SPAM1: variants seen among roughly 807,000 people sequenced by gnomAD.
SPAM1 encodes sperm adhesion molecule 1, also known as hyaluronidase PH-20.
In SPAM1, 22 loss-of-function variants were observed where a neutral mutation model predicts 29.6. The ratio of observed to expected loss-of-function variants is 0.74; its 90% confidence interval spans 0.53 to 1.06. The LOEUF (loss-of-function observed/expected upper bound fraction) is 1.06. Ranked by LOEUF, SPAM1 falls within the 50% of genes least tolerant of loss-of-function variation. The pLI is 0.00. For missense variants in SPAM1, 534 were observed against 604.0 expected (o/e 0.88, Z 1.21); for synonymous variants, 194 against 204.6 (o/e 0.95, Z 0.44).
chr7:123,936,328 G>A (rs888180457), intron 1 of SPAM1, among the ~76,000 whole-genome samples: 2 of 152,180 alleles, frequency 1.3e-5, no homozygotes, highest in African/African-American at 4.8e-5. Context: ...GTTATTGATT[G>A]GTTGGGGTAA....
At chr7:123,957,456 A>G (rs1792272775) in intron 4 of SPAM1, among the ~76,000 whole-genome samples, 1 of 152,050 alleles carries the variant, frequency 6.6e-6, no homozygotes, top group Non-Finnish European at 1.5e-5. Flanking sequence ...AGCAAGGGTT[A>G]TACAATGTCA....
Position 123,928,005 on chromosome 7 carries a change from G to A in SPAM1, c.-319+2653G>A, listed in dbSNP as rs80006878. Among the ~76,000 whole-genome samples the A allele has an allele frequency of 1.1e-3, 173 of 152,160 alleles. 2 individuals are homozygous for A. The highest frequency in any genetic ancestry group is 3.8e-3 in the African/African-American group (159 of 41,524). On this transcript the variant is annotated intron_variant, in intron 1 of 4. Coordinates refer to ENST00000682466, the MANE Select transcript of SPAM1 (RefSeq NM_153189.3). ...GGATTAGGAATTATGGGGTGACGGC[G>A]CATTGTAAGAGTTCATGGCTCTTAG...
chr7:123,966,198 C>T (rs1426128510), intron 5 of SPAM1, among the ~76,000 whole-genome samples: 10 of 151,642 alleles, frequency 6.6e-5, no homozygotes, highest in African/African-American at 1.5e-4. Context: ...ATTAGAGAAA[C>T]GAAAATCAAA....
chr7:123,947,422 C>T (rs147880997), intron 1 of SPAM1, among the ~76,000 whole-genome samples: 27 of 152,080 alleles, frequency 1.8e-4, no homozygotes, highest in African/African-American at 4.3e-4. Context: ...TGGTGGTGTG[C>T]GCCTGTAGTC....
intron 1 of SPAM1, among the ~76,000 whole-genome samples, chr7:123,938,913 C>A (rs1163658631): frequency 2.0e-5 from 3 of 152,084 alleles, no homozygotes; most frequent in African/African-American, 7.2e-5. Context: ...CCACTGTAAT[C>A]GCAGAACCGG....
chr7:123,933,851 C>A (rs1307460225), intron 1 of SPAM1, among the ~76,000 whole-genome samples: 1 of 152,218 alleles, frequency 6.6e-6, no homozygotes, highest in Non-Finnish European at 1.5e-5. Flanking sequence ...ATGTTTTGGT[C>A]AATGATAGAC....
chr7:123,937,034 T>C (rs1236344690), intron 1 of SPAM1, among the ~76,000 whole-genome samples: 1 of 152,242 alleles, frequency 6.6e-6, no homozygotes, highest in African/African-American at 2.4e-5. Context: ...AGCATCTCTG[T>C]ATTGTCTAAA....
rs186996203 is a variant in SPAM1 at position 123,956,791 on chromosome 7, T to C, written c.1044+1705T>C. Among the ~76,000 whole-genome samples, 9 of 152,162 alleles carry C rather than the reference T, an allele frequency of 5.9e-5. No individual in the cohort carries two copies. In the East Asian group the frequency reaches 1.7e-3, roughly 30 times the overall value. On this transcript the variant is annotated intron_variant, in intron 4 of 4. Transcript: ENST00000682466. ...TGTAATAATGTGCTACTTCACACCA[T>C]GGTACCATAATGTGTAATGGTGGTG...
chr7:123,952,831 T>C (rs1474127924), intron 2 of SPAM1, among the ~76,000 whole-genome samples: 2 of 151,418 alleles, frequency 1.3e-5, no homozygotes, highest in African/African-American at 4.9e-5. Flanking sequence ...TTTGGTTGAT[T>C]CAATAAATTC....
chr7:123,961,201 T>G (rs545625986), downstream of SPAM1, among the ~76,000 whole-genome samples: 6 of 152,036 alleles, frequency 3.9e-5, no homozygotes, highest in East Asian at 9.8e-4. Flanking sequence ...TCTAGCTTTT[T>G]GAACATATGC....
intron 4 of SPAM1, among the ~76,000 whole-genome samples, chr7:123,957,862 A>C (rs1204143166): frequency 1.3e-5 from 2 of 151,974 alleles, no homozygotes; most frequent in Non-Finnish European, 2.9e-5. Flanking sequence ...TTCTTTCTTA[A>C]AGTCAGCCAA....
chr7:123,959,286 T>G (rs535840105), intron 4 of SPAM1, among the ~76,000 whole-genome samples, 198 bp from the exon 5 acceptor site: 9 of 152,062 alleles, frequency 5.9e-5, no homozygotes, highest in Non-Finnish European at 1.2e-4. Flanking sequence ...TGGAATGAAG[T>G]GGCATGTGAA....
At chr7:123,939,177 C>T (rs541824818) in intron 1 of SPAM1, among the ~76,000 whole-genome samples, 30 of 151,746 alleles carry the variant, frequency 2.0e-4, no homozygotes, top group African/African-American at 7.3e-4. Context: ...GCTCCGCCTC[C>T]CGGGTTCACG....
chr7:123,970,435 TCTTCAAA>T (rs1792483092), intron 6 of SPAM1: 1 of 560,428 alleles, frequency 1.8e-6, no homozygotes. Flanking sequence ...AAAGATCCTG[TCTTCAAA>T]TAAGGTCACA....
intron 1 of SPAM1, among the ~76,000 whole-genome samples, chr7:123,933,331 T>A (rs1400871849): frequency 6.6e-6 from 1 of 152,184 alleles, no homozygotes; most frequent in Non-Finnish European, 1.5e-5. Flanking sequence ...TTTTGTTTTC[T>A]GTTCCTGTGT....
downstream of SPAM1, among the ~76,000 whole-genome samples, chr7:123,963,601 G>A (rs963397685): frequency 2.6e-5 from 4 of 151,796 alleles, no homozygotes; most frequent in Admixed American, 2.6e-4. Flanking sequence ...TCATCTATCT[G>A]CTGACTCTCA....
downstream of SPAM1, among the ~76,000 whole-genome samples, chr7:123,962,745 C>T (rs1792375406): frequency 6.6e-6 from 1 of 151,880 alleles, no homozygotes; most frequent in Admixed American, 6.6e-5. Context: ...AAGTGGAAAA[C>T]TAGAAGTTTC....
intron 2 of SPAM1, among the ~76,000 whole-genome samples, chr7:123,951,408 A>G (rs1246372036): frequency 6.6e-6 from 1 of 152,126 alleles, no homozygotes; most frequent in African/African-American, 2.4e-5. Context: ...AGATACTTCA[A>G]ACAAAAAGAA....
Position 123,959,503 on chromosome 7 carries a change from A to T in SPAM1, c.1064A>T (p.Asp355Val). Reference sequence around the variant, plus strand: ...TTACAGAAATCTTGCTTGCTCCTAGACAATTACATGGAGACTATACTGAAT... The same window carrying T: ...TTACAGAAATCTTGCTTGCTCCTAGTCAATTACATGGAGACTATACTGAAT... ...MRSMKSCLLL[D>V]NYMETILNPY... Residue 355 changes from aspartate to valine, a missense_variant, in exon 5 of 5, where the codon GAC (aspartate) becomes GTC (valine). Coordinates refer to ENST00000682466, the MANE Select transcript of SPAM1 (RefSeq NM_153189.3). 6.2e-7 allele frequency: 1 copy of T among 1,602,900 alleles called. No homozygotes were observed. The highest frequency in any genetic ancestry group is 8.5e-7 in the Non-Finnish European group (1 of 1,174,178).
Sources: gnomAD v4.1 joint callset for allele counts (sites outside exome capture counted in the v4.1 genomes callset) on GRCh38, gnomAD v4.1.1 for gene constraint, MANE v1.5 for transcripts, NCBI Gene and HGNC (gene_info 2026-07-23, HGNC 2026-07-21) for gene names.